LOXL2: variants seen among roughly 807,000 people sequenced by gnomAD.
LOXL2 encodes the protein lysyl oxidase homolog 2.
A neutral mutation model predicts 93.0 loss-of-function variants in LOXL2; 70 were observed. That is an observed-to-expected ratio of 0.75 (90% CI 0.62 to 0.92). LOXL2 has a LOEUF of 0.92. LOXL2 is among the 40% of genes least tolerant of loss of function. The pLI, the probability that LOXL2 is intolerant of heterozygous loss-of-function variation, is 0.00. For synonymous variants in LOXL2, 438 were observed against 413.2 expected (o/e 1.06, Z -0.73); for missense variants, 973 against 1,054.9 (o/e 0.92, Z 1.08).
chr8:23,357,102 G>A (rs1804213937), intron 3 of LOXL2, among the ~76,000 whole-genome samples: 1 of 150,370 alleles, frequency 6.7e-6, no homozygotes, highest in Admixed American at 6.7e-5. Flanking sequence ...GAGTCTCGCT[G>A]TTGTTGGCTC....
At chr8:23,388,141 A>G (rs1363822058) in intron 1 of LOXL2, among the ~76,000 whole-genome samples, 1 of 152,208 alleles carries the variant, frequency 6.6e-6, no homozygotes, top group African/African-American at 2.4e-5. Context: ...GGCACCAACT[A>G]CAGTTCTGAG....
chr8:23,352,868 C>A (rs1264985958), intron 3 of LOXL2, among the ~76,000 whole-genome samples: 1 of 151,976 alleles, frequency 6.6e-6, no homozygotes, highest in Non-Finnish European at 1.5e-5. Flanking sequence ...AAACGGGAAA[C>A]TGAGGCTTGG....
chr8:23,376,093 ATTATTT>A (rs1487412143), intron 1 of LOXL2, among the ~76,000 whole-genome samples: 1 of 151,754 alleles, frequency 6.6e-6, no homozygotes, highest in East Asian at 1.9e-4. Flanking sequence ...AATAGCTCTT[ATTATTT>A]TAAGATACGT....
chr8:23,339,336 C>T (rs921075608), intron 4 of LOXL2, among the ~76,000 whole-genome samples: 2 of 152,198 alleles, frequency 1.3e-5, no homozygotes, highest in East Asian at 3.9e-4. Flanking sequence ...CCACCACCCC[C>T]TCCTTGGATC....
chr8:23,318,563 A>G (rs1803443216), intron 8 of LOXL2, among the ~76,000 whole-genome samples: 1 of 152,214 alleles, frequency 6.6e-6, no homozygotes, highest in African/African-American at 2.4e-5. Flanking sequence ...TTGAGAAGGG[A>G]TGGGGCTTGT....
At position 23,322,224 on chromosome 8, in the gene LOXL2, A is replaced by G. The variant is rs757328199; in HGVS notation, c.1208T>C (p.Ile403Thr). The G allele has an allele frequency of 9.9e-6, 16 of 1,614,214 alleles. No individual in the cohort carries two copies. The highest frequency in any genetic ancestry group is 1.4e-5 in the Non-Finnish European group (16 of 1,180,014). Residue 403 changes from isoleucine to threonine, a missense_variant, in exon 7 of 14, where the codon ATA becomes ACA. By Grantham distance (89) the Ile-to-Thr change is moderately conservative. Transcript: ENST00000389131. ...IQCTGNEKSIIDCKFNAESQG... is the reference protein window; with the variant it reads ...IQCTGNEKSITDCKFNAESQG... ...AGACTCGGCATTGAACTTGCAGTCTATAATGGACTTCTCATTGCCTGTGCA... is the reference window on the plus strand; with the variant it reads ...AGACTCGGCATTGAACTTGCAGTCTGTAATGGACTTCTCATTGCCTGTGCA...
At chr8:23,310,385 T>C (rs943297868) in intron 9 of LOXL2, among the ~76,000 whole-genome samples, 2 of 152,264 alleles carry the variant, frequency 1.3e-5, no homozygotes, top group South Asian at 2.1e-4. Context: ...CTGGGAATGA[T>C]GTATTTTCCA....
rs1554475672 is a variant in LOXL2, at chr8:23,307,953, GAAA to G, written c.1880+1712_1880+1714del. On this transcript the variant is annotated intron_variant, in intron 10 of 13. Coordinates refer to ENST00000389131, the MANE Select transcript of LOXL2 (RefSeq NM_002318.3). ...GTGACTAGGTCATCAGCTGCGATAT[GAAA>G]AAAAAAAAAAAAAAAAAGCCAAAGA... Among the ~76,000 whole-genome samples, 128 of 83,558 alleles carry G rather than the reference GAAA, an allele frequency of 1.5e-3. 5 individuals carry two copies. The highest frequency in any genetic ancestry group is 2.4e-3 in the Non-Finnish European group (111 of 47,082). 54.8% of individuals were successfully genotyped at this position (83,558 alleles called of 152,430 possible). A position where few individuals can be genotyped will look rare whatever the true frequency, so the allele number is the denominator to read the frequency against.
intron 9 of LOXL2, among the ~76,000 whole-genome samples, chr8:23,310,534 T>C (rs1277772756): frequency 6.6e-6 from 1 of 152,282 alleles, no homozygotes; most frequent in Non-Finnish European, 1.5e-5. Context: ...TTCCTAGCTC[T>C]AGCTCATATT....
Position 23,319,990 on chromosome 8 carries a change from G to T in LOXL2, c.1365C>A (p.Asn455Lys), listed in dbSNP as rs762000039. ...ACACCATCCCCCACACAAGGGACCC[G>T]TTTCTCTCCACCAGCACCTCCACTC... ...EGRVEVLVER[N>K]GSLVWGMVCG... The change falls in exon 8 of 14, where the codon AAC (asparagine) becomes AAA (lysine). Residue 455 changes from asparagine (N) to lysine (K), a missense_variant. Physicochemically the swap from Asn to Lys is moderately conservative, Grantham distance 94. Coordinates refer to ENST00000389131, the MANE Select transcript of LOXL2 (RefSeq NM_002318.3). 1 of 1,613,950 alleles carries T rather than the reference G, an allele frequency of 6.2e-7. No individual in the cohort carries two copies. The highest frequency in any genetic ancestry group is 8.5e-7 in the Non-Finnish European group (1 of 1,179,974).
At position 23,319,975 on chromosome 8, in the gene LOXL2, C is replaced by T; in HGVS notation, c.1380G>A (p.Trp460Ter). The change falls in exon 8 of 14, where the codon TGG becomes TGA. Residue 460 changes from tryptophan to a stop codon, truncating the protein, a stop_gained. Coordinates refer to ENST00000389131, the MANE Select transcript of LOXL2 (RefSeq NM_002318.3). LOFTEE classifies it high-confidence loss of function. Reference protein sequence around the residue: ...VLVERNGSLVWGMVCGQNWGI... With the variant: ...VLVERNGSLV The stretch of plus-strand genomic sequence containing the variant: ...CCCAGTTTTGGCCACACACCATCCC[C>T]CACACAAGGGACCCGTTTCTCTCCA... 6.2e-7 allele frequency: 1 copy of T among 1,614,094 alleles called. No homozygotes were observed. The highest frequency in any genetic ancestry group is 1.1e-5 in the South Asian group (1 of 91,086).
chr8:23,333,464 A>G lies in LOXL2; in HGVS notation c.903T>C (p.Cys301=). The G allele has an allele frequency of 6.2e-7, 1 of 1,613,952 alleles. No homozygotes were observed. Among genetic ancestry groups the G allele is most frequent in the Non-Finnish European group, 8.5e-7 (1 of 1,180,038 alleles). ...CAGGGCTGAAGACCTGCCCAGGCAC[A>G]CAACTCACCACGGCCGGTAGCCCAT... ...CENGLPAVVS[C]VPGQVFSPDG... The change falls in exon 5 of 14, where the codon TGT becomes TGC. Residue 301 remains cysteine (C), a synonymous_variant. Coordinates refer to ENST00000389131, the MANE Select transcript of LOXL2 (RefSeq NM_002318.3).
chr8:23,307,193 T>A (rs1041844008), intron 10 of LOXL2, among the ~76,000 whole-genome samples: 8 of 152,166 alleles, frequency 5.3e-5, no homozygotes, highest in Non-Finnish European at 1.0e-4. Context: ...GGGCCAGCTC[T>A]CATCAGCTTC....
chr8:23,337,810 G>A (rs1175668433), intron 4 of LOXL2, among the ~76,000 whole-genome samples: 3 of 152,176 alleles, frequency 2.0e-5, no homozygotes, highest in African/African-American at 7.2e-5. Context: ...CCAGCCCGGT[G>A]TGGAAGTCAG....
chr8:23,320,586 G>C (rs1347920727), intron 7 of LOXL2, among the ~76,000 whole-genome samples: 1 of 152,008 alleles, frequency 6.6e-6, no homozygotes, highest in African/African-American at 2.4e-5. Flanking sequence ...TAAATGACCG[G>C]GTGTGGCCAT....
rs752253928 is a variant in LOXL2 at position 23,328,421 on chromosome 8, T to C, written c.1111A>G (p.Ser371Gly). The C allele has an allele frequency of 1.2e-6, 2 of 1,613,838 alleles. No homozygotes were observed. The highest frequency in any genetic ancestry group is 1.7e-6 in the Non-Finnish European group (2 of 1,180,010). Residue 371 changes from serine (S) to glycine (G), a missense_variant, in exon 6 of 14, where the codon AGT becomes GGT. Physicochemically the swap from Ser to Gly is moderately conservative, Grantham distance 56 (BLOSUM62 0). Transcript: ENST00000389131. ...SVVCRELGFG[S>G]AKEAVTGSRL... ...GAGCCAGTGACTGCCTCTTTGGCAC[T>C]CCCAAAGCCCAGCTCTCTGCAGACC...
intron 10 of LOXL2, among the ~76,000 whole-genome samples, chr8:23,305,401 G>T (rs776593117): frequency 1.4e-4 from 21 of 152,148 alleles, no homozygotes; most frequent in Non-Finnish European, 2.8e-4. Flanking sequence ...GTTTTCCCTG[G>T]CTTCTGTCCT....
In LOXL2 at chr8:23,346,205, T is replaced by TAAAATAAAATA. The variant is rs139242619; in HGVS notation, c.532-5003_532-5002insTATTTTATTTT. On this transcript the variant is annotated intron_variant, in intron 3 of 13. Coordinates refer to ENST00000389131, the MANE Select transcript of LOXL2 (RefSeq NM_002318.3). Reference sequence around the variant, plus strand: ...AATAATAAAATAAAATAAAATAAAATAAATAAAATAAAATAAAATAAAATT... The same window carrying TAAAATAAAATA: ...AATAATAAAATAAAATAAAATAAAATAAAATAAAATAAAATAAAATAAAATAAAATAAAATT... Among the ~76,000 whole-genome samples the TAAAATAAAATA allele has an allele frequency of 5.8e-3, 470 of 80,928 alleles. 3 individuals are homozygous for TAAAATAAAATA. The highest frequency in any genetic ancestry group is 0.025 in the African/African-American group (386 of 15,176). 53.1% of individuals were successfully genotyped at this position (80,928 alleles called of 152,430 possible).
At position 23,297,640 on chromosome 8, in the gene LOXL2, T is replaced by TG. The variant is rs373898419; in HGVS notation, c.*402dup. 4.9e-4 allele frequency: 85 copies of TG among 174,306 alleles called. No homozygotes were observed. Among genetic ancestry groups the TG allele is most frequent in the East Asian group, 2.4e-3 (15 of 6,310 alleles). The allele number at this position is 174,306 out of a possible 1,614,324, so 10.8% of individuals were successfully genotyped here. A position where few individuals can be genotyped will look rare whatever the true frequency, so the allele number is the denominator to read the frequency against. ...AAATGGGGTTCGGCCTGACCCTCTC[T>TG]GGGGGGGCTGATGAGCCCGCATTTG... On this transcript the variant is annotated 3_prime_UTR_variant, in exon 14 of 14. Transcript: ENST00000389131.
Sources: gnomAD v4.1 joint callset for allele counts (sites outside exome capture counted in the v4.1 genomes callset) on GRCh38, gnomAD v4.1.1 for gene constraint, MANE v1.5 for transcripts, NCBI Gene and HGNC (gene_info 2026-07-23, HGNC 2026-07-21) for gene names.